Variants in ASXL3 observed in about 807,000 individuals in gnomAD.
ASXL3 encodes the protein ASXL transcriptional regulator 3, also known as putative Polycomb group protein ASXL3.
A neutral mutation model predicts 170.6 loss-of-function variants in ASXL3; 34 were observed. The ratio of observed to expected loss-of-function variants is 0.20; its 90% CI spans 0.15 to 0.27. The LOEUF (loss-of-function observed/expected upper bound fraction) is 0.27. ASXL3 is among the 10% of genes least tolerant of loss of function. ASXL3 has a pLI of 1.00. For missense variants in ASXL3, 2,592 were observed against 2,695.3 expected (o/e 0.96, Z 0.85); for synonymous variants, 1,002 against 989.1 (o/e 1.01, Z -0.24).
chr18:33,740,371 G>C lies in ASXL3; in HGVS notation c.2967G>C (p.Arg989=). Residue 989 remains arginine (R), a synonymous_variant, in exon 11 of 12, where the codon CGG becomes CGC. Transcript: ENST00000269197. ...GGATAGAAGATGATCAGTCAACCCG[G>C]AACATATCATCTAGCAGCCCACCTG... ...RARIEDDQST[R]NISSSSPPEK... is the part of the protein sequence containing the mutation. 1.2e-6 allele frequency: 2 copies of C among 1,609,860 alleles called. No individual in the cohort carries two copies. Among genetic ancestry groups the C allele is most frequent in the Non-Finnish European group, 8.5e-7 (1 of 1,178,290 alleles).
At chr18:33,635,330 C>A (rs1229492807) in intron 2 of ASXL3, among the ~76,000 whole-genome samples, 2 of 152,168 alleles carry the variant, frequency 1.3e-5, no homozygotes, top group Non-Finnish European at 2.9e-5. Context: ...TTAACTTGGG[C>A]ATCCATCAGG....
chr18:33,670,836 G>A (rs1482433535), intron 6 of ASXL3, 46 bp downstream of exon 6: 3 of 1,272,874 alleles, frequency 2.4e-6, no homozygotes, highest in South Asian at 3.1e-5. Flanking sequence ...CTTCCTGGAG[G>A]AGACTTCCTC....
intron 2 of ASXL3, among the ~76,000 whole-genome samples, chr18:33,627,872 A>G (rs2065624846): frequency 6.6e-6 from 1 of 152,182 alleles, no homozygotes. Context: ...TTTATATAAT[A>G]TGATTTCAGT....
chr18:33,693,590 T>C (rs1225738103), intron 8 of ASXL3, among the ~76,000 whole-genome samples: 1 of 152,130 alleles, frequency 6.6e-6, no homozygotes, highest in African/African-American at 2.4e-5. Flanking sequence ...AAAAAGGCCG[T>C]GAAAAGTGGC....
In ASXL3 at chr18:33,745,916, C is replaced by G. The variant is rs774075483; in HGVS notation, c.6068C>G (p.Pro2023Arg). The G allele has an allele frequency of 6.3e-7, 1 of 1,577,434 alleles. No individual in the cohort carries two copies. The highest frequency in any genetic ancestry group is 2.3e-5 in the East Asian group (1 of 43,678). ...GTACATCCGCCGCCGCCACCGCCTCCCCCTCCCCCTCCACCCTTGGCTTTG... is the reference window on the plus strand; with the variant it reads ...GTACATCCGCCGCCGCCACCGCCTCGCCCTCCCCCTCCACCCTTGGCTTTG... ...ALVHPPPPPP[P>R]PPPPPLALPP... Residue 2023 changes from proline (P) to arginine (R), a missense_variant, in exon 12 of 12, where the codon CCC becomes CGC. Physicochemically the swap from Pro to Arg is moderately radical, Grantham distance 103. Coordinates refer to ENST00000269197, the MANE Select transcript of ASXL3 (RefSeq NM_030632.3).
intron 7 of ASXL3, among the ~76,000 whole-genome samples, chr18:33,679,688 C>G (rs1400037981): frequency 6.6e-6 from 1 of 152,000 alleles, no homozygotes; most frequent in East Asian, 1.9e-4. Flanking sequence ...CGTACTGATT[C>G]ATTTTTTAAA....
chr18:33,660,900 T>C (rs1476286861), intron 4 of ASXL3, among the ~76,000 whole-genome samples: 1 of 152,290 alleles, frequency 6.6e-6, no homozygotes, highest in Non-Finnish European at 1.5e-5. Context: ...TGGGCTCTAC[T>C]TGGTCACCCA....
At chr18:33,583,047 T>A (rs2065006369) in intron 1 of ASXL3, among the ~76,000 whole-genome samples, 1 of 152,182 alleles carries the variant, frequency 6.6e-6, no homozygotes, top group Non-Finnish European at 1.5e-5. Context: ...AAAATAAAGC[T>A]GAATGGTATT....
At position 33,746,895 on chromosome 18, in the gene ASXL3, T is replaced by G; in HGVS notation, c.*300T>G. On this transcript the variant is annotated 3_prime_UTR_variant, in exon 12 of 12. Transcript: ENST00000269197. ...ATTTTTGTTTTTCTTTTAACCGAGG[T>G]GTAGATAGGAAAAGGACATTTTTAA... 6 of 274,510 alleles carry G rather than the reference T, an allele frequency of 2.2e-5. No homozygotes were observed. The highest frequency in any genetic ancestry group is 1.3e-5 in the Non-Finnish European group (2 of 148,570). 17.0% of individuals were successfully genotyped at this position (274,510 alleles called of 1,614,324 possible). A position where few individuals can be genotyped will look rare whatever the true frequency, so the allele number is the denominator to read the frequency against.
At chr18:33,612,423 A>T (rs2065350110) in intron 2 of ASXL3, among the ~76,000 whole-genome samples, 1 of 152,138 alleles carries the variant, frequency 6.6e-6, no homozygotes, top group African/African-American at 2.4e-5. Context: ...GTTCCTCAGA[A>T]TAATGGACAT....
At chr18:33,652,158 A>G (rs2066008897) in intron 4 of ASXL3, among the ~76,000 whole-genome samples, 1 of 152,074 alleles carries the variant, frequency 6.6e-6, no homozygotes. Flanking sequence ...CAAGTAAAAT[A>G]TTATAAATTT....
intron 8 of ASXL3, among the ~76,000 whole-genome samples, chr18:33,710,125 A>T (rs2145346264): frequency 6.6e-6 from 1 of 152,268 alleles, no homozygotes; most frequent in Non-Finnish European, 1.5e-5. Context: ...GCGTGGTGGC[A>T]CATGCCTGTA....
At position 33,740,365 on chromosome 18, in the gene ASXL3, A is replaced by C. The variant is rs1225605974; in HGVS notation, c.2961A>C (p.Ser987=). 6.2e-7 allele frequency: 1 copy of C among 1,610,322 alleles called. No individual in the cohort carries two copies. Among genetic ancestry groups the C allele is most frequent in the South Asian group, 1.1e-5 (1 of 90,356 alleles). The change falls in exon 11 of 12, where the codon TCA becomes TCC. Residue 987 remains serine, a synonymous_variant. Transcript: ENST00000269197. ...EKRARIEDDQ[S]TRNISSSSPP... ...GAGCTAGGATAGAAGATGATCAGTC[A>C]ACCCGGAACATATCATCTAGCAGCC...
At chr18:33,640,377 A>G (rs1025613952) in intron 2 of ASXL3, among the ~76,000 whole-genome samples, 6 of 152,032 alleles carry the variant, frequency 3.9e-5, no homozygotes, top group Non-Finnish European at 7.4e-5. Flanking sequence ...CCCAAGAGTA[A>G]TAAGTTCATT....
rs2067787112 is a variant in ASXL3 at position 33,746,162 on chromosome 18, A to G, written c.6314A>G (p.Gln2105Arg). ...ELGMKQVSYD[Q>R]NEMKEQLKAF... ...GGCATGAAACAAGTTTCCTATGACC[A>G]GAATGAAATGAAAGAACAGTTAAAA... Residue 2105 changes from glutamine to arginine, a missense_variant, in exon 12 of 12, where the codon CAG becomes CGG. Physicochemically the swap from Gln to Arg is conservative, Grantham distance 43 (BLOSUM62 1). Around this residue, in one of 4 missense-constraint regions of ASXL3, gnomAD observed 2,246 missense variants for 2,219.6 expected, o/e 1.01. Transcript: ENST00000269197. 2 of 1,613,792 alleles carry G rather than the reference A, an allele frequency of 1.2e-6. No homozygotes were observed. Among genetic ancestry groups the G allele is most frequent in the Admixed American group, 1.7e-5 (1 of 59,978 alleles).
In ASXL3 at chr18:33,750,852, G is replaced by T. The variant is rs999859097; in HGVS notation, c.*4257G>T. 3 of 152,154 alleles carry T rather than the reference G, an allele frequency of 2.0e-5. No homozygotes were observed. The highest frequency in any genetic ancestry group is 2.0e-4 in the Admixed American group (3 of 15,270). 9.4% of individuals were successfully genotyped at this position (152,154 alleles called of 1,614,324 possible). A position where few individuals can be genotyped will look rare whatever the true frequency, so the allele number is the denominator to read the frequency against. On this transcript the variant is annotated 3_prime_UTR_variant, in exon 12 of 12. Coordinates refer to ENST00000269197, the MANE Select transcript of ASXL3 (RefSeq NM_030632.3). The stretch of plus-strand genomic sequence containing the variant: ...AAAGGTGTGTAAAATCCTCAGAAGG[G>T]GGAGCAGTTGATTCAGTAAGACTGC...
intron 2 of ASXL3, among the ~76,000 whole-genome samples, chr18:33,635,786 G>T (rs933810101): frequency 6.6e-6 from 1 of 152,144 alleles, no homozygotes; most frequent in Admixed American, 6.6e-5. Flanking sequence ...TCACAGACAT[G>T]ATTGCAGCCA....
rs1455095691 is a variant in ASXL3, at chr18:33,578,295, C to CGCGAGCCCCGCACGA, written c.-328_-314dup. 2 of 147,160 alleles carry CGCGAGCCCCGCACGA rather than the reference C, an allele frequency of 1.4e-5. No homozygotes were observed. The highest frequency in any genetic ancestry group is 2.5e-5 in the African/African-American group (1 of 40,760). 9.1% of individuals were successfully genotyped at this position (147,160 alleles called of 1,614,324 possible). A position where few individuals can be genotyped will look rare whatever the true frequency, so the allele number is the denominator to read the frequency against. ...CGCAGCGGCCGCGGCGGTGGCGCAG[C>CGCGAGCCCCGCACGA]GCGAGCCCCGCACGAGCGAGCCCGG... On this transcript the variant is annotated 5_prime_UTR_variant, in exon 1 of 12. Transcript: ENST00000269197.
At chr18:33,708,483 A>G (rs28541358) in intron 8 of ASXL3, among the ~76,000 whole-genome samples, 3,440 of 152,264 alleles carry the variant, frequency 0.023, 136 homozygotes, top group African/African-American at 0.079. Context: ...GTTTCTTTGT[A>G]CACTCTGACA....
Sources: gnomAD v4.1 joint callset for allele counts (sites outside exome capture counted in the v4.1 genomes callset) on GRCh38, gnomAD v4.1.1 for gene constraint, gnomAD v4.1.1 regional missense constraint, MANE v1.5 for transcripts, NCBI Gene and HGNC (gene_info 2026-07-23, HGNC 2026-07-21) for gene names.